The following COL4A5 variants were observed in gnomAD, a reference collection of about 807,000 sequenced individuals.
The protein encoded by COL4A5 is collagen type IV alpha 5 chain.
COL4A5 carries 26 observed loss-of-function variants against 130.2 expected under a neutral mutation model. That is an observed-to-expected ratio of 0.20 (90% CI 0.15 to 0.28). The LOEUF (loss-of-function observed/expected upper bound fraction) is 0.28. COL4A5 is among the 10% of genes least tolerant of loss of function. COL4A5 has a pLI of 1.00. For synonymous variants in COL4A5, 496 were observed against 439.6 expected (o/e 1.13, Z -1.60); for missense variants, 1,131 against 1,344.3 (o/e 0.84, Z 2.48).
At chrX:108,639,075 G>C (rs957248413) in intron 36 of COL4A5, among the ~76,000 whole-genome samples, 3 of 110,782 alleles carry the variant, frequency 2.7e-5, no homozygotes, top group African/African-American at 9.8e-5. Context: ...GAAATCTCAA[G>C]GGACCCCAAC....
intron 37 of COL4A5, among the ~76,000 whole-genome samples, chrX:108,655,663 G>A (rs2067826708): frequency 8.9e-6 from 1 of 112,795 alleles, no homozygotes; most frequent in Non-Finnish European, 1.9e-5. Flanking sequence ...TGACTCAGCA[G>A]GACAATATCC....
chrX:108,497,204 T>G (rs968221978), intron 1 of COL4A5, among the ~76,000 whole-genome samples: 9 of 112,380 alleles, frequency 8.0e-5, no homozygotes, highest in African/African-American at 2.9e-4. Flanking sequence ...AGTATTAGAT[T>G]CATTTTCATC....
chrX:108,666,894 A>T (rs1603310508), intron 39 of COL4A5, among the ~76,000 whole-genome samples: 1 of 111,783 alleles, frequency 8.9e-6, no homozygotes. Context: ...TTTCATTTAT[A>T]TTTTTTTCTT....
intron 29 of COL4A5, among the ~76,000 whole-genome samples, chrX:108,608,720 G>C (rs778927816): frequency 3.6e-5 from 4 of 111,510 alleles, no homozygotes; most frequent in South Asian, 7.6e-4. Context: ...ACTGGATTTT[G>C]ACAAATGCAT....
intron 36 of COL4A5, among the ~76,000 whole-genome samples, chrX:108,651,757 G>A (rs776223416): frequency 2.3e-4 from 26 of 111,558 alleles, no homozygotes; most frequent in Non-Finnish European, 4.5e-4. Flanking sequence ...TTTTCTCTAA[G>A]TTCATCATTA....
intron 2 of COL4A5, among the ~76,000 whole-genome samples, chrX:108,549,048 G>A (rs1416249846): frequency 9.0e-6 from 1 of 111,657 alleles, no homozygotes; most frequent in East Asian, 2.8e-4. Flanking sequence ...GAAAGTAATA[G>A]AAATGGTGTA....
chrX:108,669,046 A>G (rs772688854), intron 41 of COL4A5, among the ~76,000 whole-genome samples: 12 of 112,160 alleles, frequency 1.1e-4, no homozygotes, highest in African/African-American at 3.2e-4. Context: ...AGCATGATCA[A>G]ATTGACTAGT....
intron 36 of COL4A5, among the ~76,000 whole-genome samples, chrX:108,636,273 G>C (rs1274364757): frequency 9.0e-6 from 1 of 111,266 alleles, no homozygotes; most frequent in Non-Finnish European, 1.9e-5. Context: ...AAACATATTA[G>C]GATAAAAGAT....
At chrX:108,624,777 A>G (rs1454775308) in intron 34 of COL4A5, among the ~76,000 whole-genome samples, 1 of 111,739 alleles carries the variant, frequency 8.9e-6, no homozygotes, top group African/African-American at 3.3e-5. Flanking sequence ...TTAAATTTCT[A>G]GGCATGAAAA....
Position 108,655,425 on chromosome X carries a change from C to A in COL4A5, c.3341C>A (p.Ala1114Glu). Reference sequence around the variant, plus strand: ...CCCGGATTACCAGGAACCCCTGGAGCAAAAGGACAACCAGGCCTTCCTGGA... The same window carrying A: ...CCCGGATTACCAGGAACCCCTGGAGAAAAAGGACAACCAGGCCTTCCTGGA... ...GLPGLPGTPGAKGQPGLPGFP... is the reference protein window; with the variant it reads ...GLPGLPGTPGEKGQPGLPGFP... Residue 1114 changes from alanine to glutamate, a missense_variant, in exon 37 of 53, where the codon GCA (alanine) becomes GAA (glutamate). Ala to Glu is a moderately radical substitution (Grantham distance 107). Coordinates refer to ENST00000328300, the MANE Select transcript of COL4A5 (RefSeq NM_033380.3). 8.3e-7 allele frequency: 1 copy of A among 1,211,235 alleles called. No individual in the cohort carries two copies. Among genetic ancestry groups the A allele is most frequent in the Non-Finnish European group, 1.1e-6 (1 of 895,263 alleles).
chrX:108,693,026 A>T (rs1302666373), intron 50 of COL4A5, 101 bp downstream of exon 50: 1 of 934,162 alleles, frequency 1.1e-6, no homozygotes, highest in Non-Finnish European at 1.5e-6. Flanking sequence ...CTCCTAGGTT[A>T]GGTAGAACAG....
In COL4A5 at chrX:108,604,003, T is replaced by C. The variant is rs927630016; in HGVS notation, c.2244+942T>C. Among the ~76,000 whole-genome samples the C allele has an allele frequency of 2.7e-5, 3 of 112,059 alleles. No homozygotes were observed. In the South Asian group the frequency reaches 1.1e-3, roughly 42 times the overall value. On this transcript the variant is annotated intron_variant, in intron 28 of 52. Transcript: ENST00000328300. ...CATTCACATCTTCATTCTCTACTTA[T>C]AATTGTTGTTCTCTTGCTACTTCCA...
intron 1 of COL4A5, among the ~76,000 whole-genome samples, chrX:108,526,729 C>CTT (rs2065330570): frequency 2.6e-5 from 2 of 77,661 alleles, no homozygotes; most frequent in Admixed American, 1.6e-4. Flanking sequence ...TTCTTTCTTC[C>CTT]TCCTCCTCCT....
chrX:108,466,208 G>A (rs1178640127), intron 1 of COL4A5, among the ~76,000 whole-genome samples: 4 of 110,705 alleles, frequency 3.6e-5, no homozygotes, highest in Admixed American at 9.7e-5. Context: ...CTATGAACAT[G>A]TATATATATA....
chrX:108,675,071 TG>T (rs1437496069), intron 43 of COL4A5, among the ~76,000 whole-genome samples: 1 of 111,720 alleles, frequency 9.0e-6, no homozygotes, highest in Non-Finnish European at 1.9e-5. Context: ...ATGACCTATT[TG>T]TAATCTCTGA....
intron 2 of COL4A5, among the ~76,000 whole-genome samples, chrX:108,550,519 T>C (rs759656324): frequency 2.9e-3 from 323 of 111,849 alleles, no homozygotes; most frequent in African/African-American, 0.01. Flanking sequence ...AAAATTACTC[T>C]TAGTAAACTA....
intron 49 of COL4A5, chrX:108,689,895 C>T: frequency 1.3e-6 from 1 of 754,438 alleles, no homozygotes; most frequent in African/African-American, 2.3e-5. Context: ...ATCACTCTCT[C>T]TTCGAAAATT....
intron 1 of COL4A5, among the ~76,000 whole-genome samples, chrX:108,491,068 T>C (rs2064989297): frequency 8.9e-6 from 1 of 112,174 alleles, no homozygotes; most frequent in Non-Finnish European, 1.9e-5. Context: ...GGATTTAGGT[T>C]GATTTCATGT....
intron 4 of COL4A5, among the ~76,000 whole-genome samples, chrX:108,565,814 A>G (rs770419569): frequency 6.3e-5 from 7 of 111,618 alleles, no homozygotes; most frequent in Non-Finnish European, 1.1e-4. Context: ...AAGAGGCACT[A>G]AAGAACTTTC....
Sources: allele counts gnomAD v4.1 joint callset (sites outside exome capture counted in the v4.1 genomes callset), GRCh38; gene constraint gnomAD v4.1.1; transcripts MANE v1.5; gene names NCBI Gene and HGNC (gene_info 2026-07-23, HGNC 2026-07-21).